Variants in OR4D1 observed in about 807,000 individuals in gnomAD.
The protein encoded by OR4D1 is olfactory receptor family 4 subfamily D member 1.
A neutral mutation model predicts 14.2 loss-of-function variants in OR4D1; 10 were observed. The ratio of observed to expected loss-of-function variants is 0.71; its 90% CI spans 0.44 to 1.20. The LOEUF is 1.20. Ranked by LOEUF, OR4D1 falls within the 50% of genes most tolerant of loss-of-function variation. The pLI is 0.00. For synonymous variants in OR4D1, 141 were observed against 147.4 expected (o/e 0.96, Z 0.32); for missense variants, 345 against 376.6 (o/e 0.92, Z 0.70).
chr17:58,150,731 G>C (rs2143656057), intron 2 of OR4D1, among the ~76,000 whole-genome samples: 1 of 152,174 alleles, frequency 6.6e-6, no homozygotes, highest in East Asian at 1.9e-4. Flanking sequence ...GGGAATCACG[G>C]TCTCCTTCTC....
intron 2 of OR4D1, among the ~76,000 whole-genome samples, chr17:58,150,205 G>A (rs531668483): frequency 7.3e-6 from 1 of 137,098 alleles, no homozygotes; most frequent in East Asian, 2.4e-4. Context: ...GCCTGTTTGT[G>A]TGGAAGCCCC....
chr17:58,151,196 G>T (rs1417919252), intron 2 of OR4D1, among the ~76,000 whole-genome samples: 1 of 152,044 alleles, frequency 6.6e-6, no homozygotes, highest in African/African-American at 2.4e-5. Flanking sequence ...AACCCCTCAT[G>T]GATAATTTTA....
intron 3 of OR4D1, among the ~76,000 whole-genome samples, chr17:58,154,404 TA>T (rs1967739902): frequency 6.6e-6 from 1 of 152,094 alleles, no homozygotes; most frequent in African/African-American, 2.4e-5. Context: ...TTTTAGAAGT[TA>T]AAACATGAGA....
At position 58,157,028 on chromosome 17, in the gene OR4D1, G is replaced by A; in HGVS notation, c.*942G>A. On this transcript the variant is annotated 3_prime_UTR_variant, in exon 4 of 4. Coordinates refer to ENST00000268912, the MANE Select transcript of OR4D1 (RefSeq NM_001386095.1). ...GTAGGGCAGGGAAGGCATGGCTTCT[G>A]TTTTCGTCCAATGAGAAGGGGCCAG... is the stretch of plus-strand genomic sequence containing the variant. 2.0e-6 allele frequency: 2 copies of A among 1,020,736 alleles called. No homozygotes were observed. The highest frequency in any genetic ancestry group is 1.5e-6 in the Non-Finnish European group (1 of 683,794). The allele number at this position is 1,020,736 out of a possible 1,614,324, so 63.2% of individuals were successfully genotyped here. A position where few individuals can be genotyped will look rare whatever the true frequency, so the allele number is the denominator to read the frequency against.
In OR4D1 at chr17:58,157,616, G is replaced by A. The variant is rs1967793550; in HGVS notation, c.*1530G>A. On this transcript the variant is annotated 3_prime_UTR_variant, in exon 4 of 4. Coordinates refer to ENST00000268912, the MANE Select transcript of OR4D1 (RefSeq NM_001386095.1). ...GAAAAGACTGCAGGAGTCAGAACTG[G>A]AAAAGCTGAAAATGGCTGCAAAACC... 2 of 1,613,618 alleles carry A rather than the reference G, an allele frequency of 1.2e-6. No homozygotes were observed. The highest frequency in any genetic ancestry group is 2.7e-5 in the African/African-American group (2 of 74,900).
At position 58,156,141 on chromosome 17, in the gene OR4D1, C is replaced by T; in HGVS notation, c.*55C>T. 8.5e-7 allele frequency: 1 copy of T among 1,175,970 alleles called. No homozygotes were observed. The highest frequency in any genetic ancestry group is 2.5e-5 in the East Asian group (1 of 39,886). 72.8% of individuals were successfully genotyped at this position (1,175,970 alleles called of 1,614,324 possible). A position where few individuals can be genotyped will look rare whatever the true frequency, so the allele number is the denominator to read the frequency against. ...ATTTCTCTGGATTTTTATTTTCCCA[C>T]ATGAAAAATGGAGGAAAGTCTTTAT... On this transcript the variant is annotated 3_prime_UTR_variant, in exon 4 of 4. Transcript: ENST00000268912.
intron 2 of OR4D1, among the ~76,000 whole-genome samples, chr17:58,150,868 G>A (rs1299257491): frequency 1.3e-5 from 2 of 152,034 alleles, no homozygotes; most frequent in Non-Finnish European, 2.9e-5. Context: ...CACACCTGCG[G>A]TTGTCTTTCG....
At position 58,158,425 on chromosome 17, in the gene OR4D1, T is replaced by C. The variant is rs991273843; in HGVS notation, c.*2339T>C. 1 of 151,400 alleles carries C rather than the reference T, an allele frequency of 6.6e-6. No homozygotes were observed. Among genetic ancestry groups the C allele is most frequent in the Non-Finnish European group, 1.5e-5 (1 of 67,936 alleles). The allele number at this position is 151,400 out of a possible 1,614,324, so 9.4% of individuals were successfully genotyped here. A position where few individuals can be genotyped will look rare whatever the true frequency, so the allele number is the denominator to read the frequency against. On this transcript the variant is annotated 3_prime_UTR_variant, in exon 4 of 4. Transcript: ENST00000268912. ...GAAACCTTTTTATATACTACCATAT[T>C]TGTTCCTATCTCTCCCCACGCCCAC... is the stretch of plus-strand genomic sequence containing the variant.
rs1967791842 is a variant in OR4D1 at position 58,157,496 on chromosome 17, T to C, written c.*1410T>C. The C allele has an allele frequency of 5.2e-6, 6 of 1,158,184 alleles. No individual in the cohort carries two copies. The Admixed American group carries it at 1.0e-4, about 20-fold the overall frequency. 71.7% of individuals were successfully genotyped at this position (1,158,184 alleles called of 1,614,324 possible). On this transcript the variant is annotated 3_prime_UTR_variant, in exon 4 of 4. Coordinates refer to ENST00000268912, the MANE Select transcript of OR4D1 (RefSeq NM_001386095.1). ...GGAGGGCAAGTTGCTCCAGAAACAG[T>C]ACCTCTCCATTGCAGAGGGTGCGGA...
rs1032289671 is a variant in OR4D1 at position 58,155,602 on chromosome 17, T to A, written c.449T>A (p.Val150Glu). 1.2e-6 allele frequency: 2 copies of A among 1,613,940 alleles called. No individual in the cohort carries two copies. The highest frequency in any genetic ancestry group is 1.1e-5 in the South Asian group (1 of 91,072). The change falls in exon 4 of 4, where the codon GTG becomes GAG. Residue 150 changes from valine to glutamate, a missense_variant. Transcript: ENST00000268912. ...LCVGLVVAAWVGGFVHSIVQL... is the reference protein window; with the variant it reads ...LCVGLVVAAWEGGFVHSIVQL... ...GTGGGCCTGGTAGTAGCCGCCTGGG[T>A]GGGGGGCTTTGTCCACTCCATTGTC...
rs1967792350 is a variant in OR4D1 at position 58,157,536 on chromosome 17, C to T, written c.*1450C>T. 4.8e-6 allele frequency: 7 copies of T among 1,447,440 alleles called. No individual in the cohort carries two copies. The highest frequency in any genetic ancestry group is 1.4e-5 in the African/African-American group (1 of 71,862). The allele number at this position is 1,447,440 out of a possible 1,614,324, so 89.7% of individuals were successfully genotyped here. A position where few individuals can be genotyped will look rare whatever the true frequency, so the allele number is the denominator to read the frequency against. On this transcript the variant is annotated 3_prime_UTR_variant, in exon 4 of 4. Transcript: ENST00000268912. ...GAGGGTGCGGACTTCTCCAGCTCTC[C>T]GAACCTCACGGAGACTCAGGTCAAA...
intron 3 of OR4D1, among the ~76,000 whole-genome samples, chr17:58,154,266 C>CT (rs3030795): frequency 0.02 from 2,699 of 137,364 alleles, 32 homozygotes; most frequent in South Asian, 0.034. Context: ...AGCCAACCCT[C>CT]TTTTTTTTTT....
rs1967687612 is a variant in OR4D1 at position 58,150,511 on chromosome 17, AACAG to A, written c.-127+721_-127+724del. The stretch of plus-strand genomic sequence containing the variant: ...GAGAAGTCTAGCTGGGTGAGGGGAT[AACAG>A]ACAGAAATAGGAGAGCCAGAGAGGT... On this transcript the variant is annotated intron_variant, in intron 2 of 3. Coordinates refer to ENST00000268912, the MANE Select transcript of OR4D1 (RefSeq NM_001386095.1). Among the ~76,000 whole-genome samples, 4 of 152,346 alleles carry A rather than the reference AACAG, an allele frequency of 2.6e-5. No homozygotes were observed. In the South Asian group the frequency reaches 8.3e-4, roughly 32 times the overall value.
chr17:58,157,455 C>G lies in OR4D1; in HGVS notation c.*1369C>G. 1.8e-6 allele frequency: 2 copies of G among 1,104,814 alleles called. No individual in the cohort carries two copies. Among genetic ancestry groups the G allele is most frequent in the South Asian group, 1.3e-5 (1 of 77,158 alleles). The allele number at this position is 1,104,814 out of a possible 1,614,324, so 68.4% of individuals were successfully genotyped here. ...AAGCCGCGCACAGCCTTTACCACGT[C>G]CCAGCTCCTCGCTCTGGAGGGCAAG... On this transcript the variant is annotated 3_prime_UTR_variant, in exon 4 of 4. Coordinates refer to ENST00000268912, the MANE Select transcript of OR4D1 (RefSeq NM_001386095.1).
In OR4D1 at chr17:58,157,060, C is replaced by T; in HGVS notation, c.*974C>T. The T allele has an allele frequency of 7.7e-7, 1 of 1,306,884 alleles. No homozygotes were observed. The highest frequency in any genetic ancestry group is 1.0e-6 in the Non-Finnish European group (1 of 954,522). The allele number at this position is 1,306,884 out of a possible 1,614,324, so 81.0% of individuals were successfully genotyped here. A position where few individuals can be genotyped will look rare whatever the true frequency, so the allele number is the denominator to read the frequency against. ...TCCAATGAGAAGGGGCCAGCGGTGG[C>T]GGTCGGGCCAGGTCCGGGGCCTGGG... is the stretch of plus-strand genomic sequence containing the variant. On this transcript the variant is annotated 3_prime_UTR_variant, in exon 4 of 4. Coordinates refer to ENST00000268912, the MANE Select transcript of OR4D1 (RefSeq NM_001386095.1).
rs1460801648 is a variant in OR4D1 at position 58,155,438 on chromosome 17, G to C, written c.285G>C (p.Gln95His). The change falls in exon 4 of 4, where the codon CAG becomes CAC. Residue 95 changes from glutamine (Q) to histidine (H), a missense_variant. Gln to His is a conservative substitution (Grantham distance 24). Coordinates refer to ENST00000268912, the MANE Select transcript of OR4D1 (RefSeq NM_001386095.1). ...FLHETKTISY[Q>H]GCMAQIFFFH... is the part of the protein sequence containing the mutation. ...ATGAGACCAAGACGATCTCCTACCA[G>C]GGCTGCATGGCCCAGATCTTCTTCT... is the stretch of plus-strand genomic sequence containing the variant. 3.7e-6 allele frequency: 6 copies of C among 1,614,166 alleles called. No homozygotes were observed. In the East Asian group the frequency reaches 1.3e-4, roughly 36 times the overall value.
At position 58,156,991 on chromosome 17, in the gene OR4D1, G is replaced by A; in HGVS notation, c.*905G>A. The A allele has an allele frequency of 1.3e-6, 1 of 775,904 alleles. No homozygotes were observed. Among genetic ancestry groups the A allele is most frequent in the Non-Finnish European group, 2.2e-6 (1 of 460,300 alleles). 48.1% of individuals were successfully genotyped at this position (775,904 alleles called of 1,614,324 possible). A position where few individuals can be genotyped will look rare whatever the true frequency, so the allele number is the denominator to read the frequency against. ...CTGCGGGTTGCTAGCGGAGTCGCGCGTCGGGAGCTACGTAGGGCAGGGAAG... is the reference window on the plus strand; with the variant it reads ...CTGCGGGTTGCTAGCGGAGTCGCGCATCGGGAGCTACGTAGGGCAGGGAAG... On this transcript the variant is annotated 3_prime_UTR_variant, in exon 4 of 4. Coordinates refer to ENST00000268912, the MANE Select transcript of OR4D1 (RefSeq NM_001386095.1).
chr17:58,151,704 C>A (rs1967706907), intron 2 of OR4D1, among the ~76,000 whole-genome samples: 1 of 152,268 alleles, frequency 6.6e-6, no homozygotes. Flanking sequence ...GTTAAACATC[C>A]TTTTAGGATA....
rs1204838239 is a variant in OR4D1, at chr17:58,156,224, T to C, written c.*138T>C. 2 of 653,146 alleles carry C rather than the reference T, an allele frequency of 3.1e-6. No homozygotes were observed. Among genetic ancestry groups the C allele is most frequent in the Non-Finnish European group, 5.2e-6 (2 of 386,816 alleles). 40.5% of individuals were successfully genotyped at this position (653,146 alleles called of 1,614,324 possible). On this transcript the variant is annotated 3_prime_UTR_variant, in exon 4 of 4. Coordinates refer to ENST00000268912, the MANE Select transcript of OR4D1 (RefSeq NM_001386095.1). ...CTTGAGGACCTAGTGCTGTGTCAAG[T>C]ACTGTGTTAAGCACTTCCACGCTTT...
Sources: gnomAD v4.1 joint callset for allele counts (sites outside exome capture counted in the v4.1 genomes callset) on GRCh38, gnomAD v4.1.1 for gene constraint, MANE v1.5 for transcripts, NCBI Gene and HGNC (gene_info 2026-07-23, HGNC 2026-07-21) for gene names.